The following SDK2 variants were observed in gnomAD, a reference collection of about 807,000 sequenced individuals.
SDK2 encodes sidekick cell adhesion molecule 2.
A neutral mutation model predicts 253.9 loss-of-function variants in SDK2; 105 were observed. The observed-to-expected ratio is 0.41, with a 90% CI of 0.35 to 0.49. SDK2 has a LOEUF of 0.49. Among genes scored for constraint, SDK2 ranks in the 20% least tolerant of loss-of-function variants. SDK2 has a pLI of 0.06. For synonymous variants in SDK2, 1,249 were observed against 1,234.9 expected (o/e 1.01, Z -0.24); for missense variants, 2,608 against 3,003.0 (o/e 0.87, Z 3.07).
In SDK2 at chr17:73,640,945, C is replaced by A. The variant is rs143257656; in HGVS notation, c.64+3080G>T. ...CCAGCAGTAATCAAGCTTCCAAGCA[C>A]ATGGGAAATCTCTCGAGACTCTAGT... On this transcript the variant is annotated intron_variant, in intron 1 of 44. Transcript: ENST00000392650. 8 of 152,380 alleles carry A rather than the reference C, an allele frequency of 5.3e-5. No individual in the cohort carries two copies. The East Asian group carries it at 1.4e-3, about 26-fold the overall frequency. 9.4% of individuals were successfully genotyped at this position (152,380 alleles called of 1,614,324 possible). A position where few individuals can be genotyped will look rare whatever the true frequency, so the allele number is the denominator to read the frequency against.
intron 29 of SDK2, among the ~76,000 whole-genome samples, chr17:73,389,710 G>T (rs1017402263): frequency 1.3e-5 from 2 of 152,140 alleles, no homozygotes; most frequent in Admixed American, 6.5e-5. Flanking sequence ...CCAGGGCTGT[G>T]AGTGGGGAGG....
chr17:73,610,687 G>A (rs556551790), intron 1 of SDK2, among the ~76,000 whole-genome samples: 7 of 149,682 alleles, frequency 4.7e-5, no homozygotes, highest in African/African-American at 7.6e-5. Context: ...TGTGTGTAAG[G>A]CATGTGTGTA....
rs191247511 is a variant in SDK2 at position 73,414,717 on chromosome 17, T to C, written c.2411A>G (p.Asn804Ser). The C allele has an allele frequency of 6.2e-7, 1 of 1,613,876 alleles. No individual in the cohort carries two copies. Among genetic ancestry groups the C allele is most frequent in the East Asian group, 2.2e-5 (1 of 44,854 alleles). The change falls in exon 18 of 45, where the codon AAT becomes AGT. Residue 804 changes from asparagine (N) to serine (S), a missense_variant. Physicochemically the swap from Asn to Ser is conservative, Grantham distance 46 (BLOSUM62 1). Transcript: ENST00000392650. Reference protein sequence around the residue: ...PPGNVHAEATNSTTIRFTWNA... With the variant: ...PPGNVHAEATSSTTIRFTWNA... ...CCAGGTGAAGCGGATGGTCGTGGAA[T>C]TGGTGGCTTCCGCGTGCACATTGCC...
intron 22 of SDK2, among the ~76,000 whole-genome samples, 185 bp downstream of exon 22, chr17:73,398,983 T>A (rs942869704): frequency 2.0e-5 from 3 of 152,216 alleles, no homozygotes; most frequent in Non-Finnish European, 2.9e-5. Flanking sequence ...TGTTTTTCCA[T>A]GTACACAGGT....
At chr17:73,493,384 G>C (rs557337047) in intron 2 of SDK2, among the ~76,000 whole-genome samples, 1 of 152,338 alleles carries the variant, frequency 6.6e-6, no homozygotes, top group South Asian at 2.1e-4. Context: ...ACATTGGAGA[G>C]TCTGGGCGGA....
intron 1 of SDK2, among the ~76,000 whole-genome samples, chr17:73,548,030 C>T (rs116144466): frequency 0.11 from 16,213 of 152,208 alleles, 972 homozygotes; most frequent in South Asian, 0.14. Context: ...ATCTTCAGAT[C>T]TTGTGAGAAC....
In SDK2 at chr17:73,383,448, G is replaced by A. The variant is rs901218209; in HGVS notation, c.4705+428C>T. The stretch of plus-strand genomic sequence containing the variant: ...CAGGTGAGGCTTCTGGTCCCTCAAG[G>A]GCAGGGTGCTCCTTCTCATGCACCG... On this transcript the variant is annotated intron_variant, in intron 33 of 44. Coordinates refer to ENST00000392650, the MANE Select transcript of SDK2 (RefSeq NM_001144952.2). This position sits in a 1 kb window ranked among gnomAD's most constrained non-coding sequence, Gnocchi z 4.3. 6.6e-6 allele frequency among the ~76,000 whole-genome samples: 1 copy of A among 152,202 alleles called. No individual in the cohort carries two copies. Among genetic ancestry groups the A allele is most frequent in the African/African-American group, 2.4e-5 (1 of 41,454 alleles).
intron 1 of SDK2, among the ~76,000 whole-genome samples, chr17:73,592,953 G>A (rs540369040): frequency 2.4e-4 from 36 of 151,036 alleles, no homozygotes; most frequent in African/African-American, 6.5e-4. Flanking sequence ...GGGGGTGTCC[G>A]TAGCTCGCCG....
intron 1 of SDK2, among the ~76,000 whole-genome samples, chr17:73,627,925 G>A (rs1255224306): frequency 6.6e-6 from 1 of 152,172 alleles, no homozygotes. Context: ...GGTGGTGGGC[G>A]CCTGTAGTCC....
intron 1 of SDK2, among the ~76,000 whole-genome samples, chr17:73,568,377 G>A (rs1051694024): frequency 1.6e-4 from 24 of 152,140 alleles, no homozygotes; most frequent in African/African-American, 4.3e-4. Context: ...CTATAGAACC[G>A]TGAGCCAAAT....
chr17:73,394,211 T>C lies in SDK2; in HGVS notation c.3706A>G (p.Lys1236Glu). 1 of 1,557,144 alleles carries C rather than the reference T, an allele frequency of 6.4e-7. No homozygotes were observed. The highest frequency in any genetic ancestry group is 8.7e-7 in the Non-Finnish European group (1 of 1,146,560). The part of the protein sequence containing the change: ...ADRNGLVLGY[K>E]VMYKEKDSDT... Reference sequence around the variant, plus strand: ...CCTCCTGGGATCCCGGGACTCACCTTATAGCCCAGCACGAGCCCGTTGCGA... The same window carrying C: ...CCTCCTGGGATCCCGGGACTCACCTCATAGCCCAGCACGAGCCCGTTGCGA... The change falls in exon 26 of 45, where the codon AAG (lysine) becomes GAG (glutamate). Residue 1236 changes from lysine to glutamate, a missense_variant and splice_region_variant. By Grantham distance (56) the Lys-to-Glu change is moderately conservative. Around this residue, in one of 2 missense-constraint regions of SDK2, gnomAD observed 1,505 missense variants for 1,859.1 expected, o/e 0.81. Coordinates refer to ENST00000392650, the MANE Select transcript of SDK2 (RefSeq NM_001144952.2).
chr17:73,379,466 C>G lies in SDK2; in HGVS notation c.4846G>C (p.Val1616Leu), dbSNP rs750511145. 4 of 1,609,124 alleles carry G rather than the reference C, an allele frequency of 2.5e-6. No homozygotes were observed. In the East Asian group the frequency reaches 8.9e-5, roughly 36 times the overall value. ...GEGPSSPPQE[V>L]FVGEAVPTAA... The stretch of plus-strand genomic sequence containing the variant: ...TGCTCACCTGCCTCCCCAACAAAGA[C>G]CTCCTGCGGGGGGCTGGAGGGCCCC... Residue 1616 changes from valine to leucine, a missense_variant, in exon 35 of 45, where the codon GTC becomes CTC. Coordinates refer to ENST00000392650, the MANE Select transcript of SDK2 (RefSeq NM_001144952.2). This position sits in a 1 kb window ranked among gnomAD's most constrained non-coding sequence, Gnocchi z 4.5.
At chr17:73,523,397 C>T (rs904761425) in intron 1 of SDK2, among the ~76,000 whole-genome samples, 21 of 151,814 alleles carry the variant, frequency 1.4e-4, no homozygotes, top group Admixed American at 8.5e-4. Flanking sequence ...CCTGGATACC[C>T]GTGGTTGTGA....
intron 1 of SDK2, among the ~76,000 whole-genome samples, chr17:73,550,965 C>T (rs969701924): frequency 6.6e-6 from 1 of 152,162 alleles, no homozygotes; most frequent in Non-Finnish European, 1.5e-5. Context: ...TCTCCCTTGC[C>T]TACCTCCTGT....
At position 73,350,735 on chromosome 17, in the gene SDK2, C is replaced by T; in HGVS notation, c.5814G>A (p.Leu1938=). 6.2e-7 allele frequency: 1 copy of T among 1,613,482 alleles called. No homozygotes were observed. The highest frequency in any genetic ancestry group is 8.5e-7 in the Non-Finnish European group (1 of 1,179,744). ...GAAGCAGGATGAAGATGAGGCCGAC[C>T]AGGGCAATGACCACCAAGAACCACC... The part of the protein sequence containing the change: ...EEWWFLVVIA[L]VGLIFILLLV... The change falls in exon 42 of 45, where the codon CTG becomes CTA. Residue 1938 remains leucine, a synonymous_variant. Coordinates refer to ENST00000392650, the MANE Select transcript of SDK2 (RefSeq NM_001144952.2).
chr17:73,416,422 C>T (rs2063183169), intron 16 of SDK2, among the ~76,000 whole-genome samples: 2 of 152,022 alleles, frequency 1.3e-5, no homozygotes, highest in Non-Finnish European at 2.9e-5. Context: ...GTCTCGAACT[C>T]CTGACCTCAG....
At position 73,358,167 on chromosome 17, in the gene SDK2, C is replaced by T; in HGVS notation, c.5505G>A (p.Arg1835=). The change falls in exon 40 of 45, where the codon CGG becomes CGA. Residue 1835 remains arginine, a synonymous_variant. Coordinates refer to ENST00000392650, the MANE Select transcript of SDK2 (RefSeq NM_001144952.2). ...AGTGAATGGCGATGGCAGAGCTGTA[C>T]CGCACGATGATGGGCACGCCAGGCG... ...PGPPGVPIIV[R]YSSAIAIHWS... is the part of the protein sequence containing the mutation. The T allele has an allele frequency of 2.5e-6, 4 of 1,611,156 alleles. No homozygotes were observed. The highest frequency in any genetic ancestry group is 3.4e-6 in the Non-Finnish European group (4 of 1,179,160).
chr17:73,527,011 G>C (rs940190886), intron 1 of SDK2, among the ~76,000 whole-genome samples: 2 of 152,378 alleles, frequency 1.3e-5, no homozygotes, highest in Admixed American at 6.5e-5. Flanking sequence ...AAGCTGGCCT[G>C]AGAGATAGGA....
chr17:73,486,799 C>G (rs1292846047), intron 2 of SDK2, among the ~76,000 whole-genome samples: 1 of 151,996 alleles, frequency 6.6e-6, no homozygotes, highest in Non-Finnish European at 1.5e-5. Context: ...TTACAATGCT[C>G]CTACTTCCTG....
Sources: gnomAD v4.1 joint callset for allele counts (sites outside exome capture counted in the v4.1 genomes callset) on GRCh38, gnomAD v4.1.1 for gene constraint, gnomAD v4.1.1 regional missense constraint, Gnocchi (gnomAD v3.1) non-coding constraint, MANE v1.5 for transcripts, NCBI Gene and HGNC (gene_info 2026-07-23, HGNC 2026-07-21) for gene names.